The following ERLIN1 variants were observed in gnomAD, a reference collection of about 807,000 sequenced individuals.
ERLIN1 encodes erlin-1.
ERLIN1 carries 24 observed loss-of-function variants against 46.9 expected under a neutral mutation model. The observed-to-expected ratio is 0.51, with a 90% confidence interval of 0.37 to 0.72. ERLIN1 has a LOEUF of 0.72. ERLIN1 is among the 30% of genes least tolerant of loss of function. The pLI is 0.00. For synonymous variants in ERLIN1, 158 were observed against 143.2 expected (o/e 1.10, Z -0.74); for missense variants, 293 against 417.9 (o/e 0.70, Z 2.61).
At chr10:100,174,815 A>G (rs1386430531) in intron 5 of ERLIN1, among the ~76,000 whole-genome samples, 2 of 152,240 alleles carry the variant, frequency 1.3e-5, no homozygotes, top group Non-Finnish European at 2.9e-5. Flanking sequence ...AGAGACAGAG[A>G]GAGAAGCTCA....
intron 8 of ERLIN1, among the ~76,000 whole-genome samples, chr10:100,157,068 G>A (rs1159217735): frequency 6.6e-6 from 1 of 152,098 alleles, no homozygotes; most frequent in Non-Finnish European, 1.5e-5. Flanking sequence ...AAATGAACAA[G>A]TCACAATGGA....
chr10:100,179,251 G>A lies in ERLIN1; in HGVS notation c.196-4C>T, dbSNP rs1421038306. On this transcript the variant is annotated splice_region_variant and splice_polypyrimidine_tract_variant and intron_variant, in intron 2 of 10. Transcript: ENST00000421367. ...CTTCATCAGTTTGTAGTGTTGTCTA[G>A]GGAGGAAAAGATATCTCATCAACAC... The A allele has an allele frequency of 6.3e-7, 1 of 1,588,930 alleles. No individual in the cohort carries two copies. The highest frequency in any genetic ancestry group is 8.6e-7 in the Non-Finnish European group (1 of 1,165,736).
At chr10:100,167,259 G>A (rs1843696405) in intron 7 of ERLIN1, 89 bp downstream of exon 7, 23 of 919,998 alleles carry the variant, frequency 2.5e-5, no homozygotes, top group South Asian at 2.5e-4. Context: ...ACCCCAGAGT[G>A]TATTGTCTCA....
At chr10:100,170,024 A>G (rs1684497343) in intron 6 of ERLIN1, among the ~76,000 whole-genome samples, 1 of 152,146 alleles carries the variant, frequency 6.6e-6, no homozygotes, top group Admixed American at 6.5e-5. Flanking sequence ...TCTCAAAACA[A>G]AACAAAACAA....
chr10:100,170,292 C>A (rs1048906297), intron 6 of ERLIN1, among the ~76,000 whole-genome samples: 1 of 152,050 alleles, frequency 6.6e-6, no homozygotes, highest in Admixed American at 6.5e-5. Context: ...TATAACAAGA[C>A]AAAAGCAACC....
chr10:100,184,262 T>C (rs753497180), intron 1 of ERLIN1, among the ~76,000 whole-genome samples: 1 of 152,058 alleles, frequency 6.6e-6, no homozygotes, highest in Non-Finnish European at 1.5e-5. Flanking sequence ...AACTTTGAAG[T>C]AAAGAGAAAA....
intron 3 of ERLIN1, 145 bp downstream of exon 3, chr10:100,179,056 G>A (rs890327376): frequency 2.4e-5 from 14 of 588,868 alleles, no homozygotes; most frequent in Non-Finnish European, 3.9e-5. Flanking sequence ...TTTGGAGATA[G>A]GCCTTTGCTC....
intron 7 of ERLIN1, among the ~76,000 whole-genome samples, chr10:100,165,857 C>A (rs1432609191): frequency 6.6e-6 from 1 of 152,172 alleles, no homozygotes. Context: ...TCCCCAGTAG[C>A]TGGGATTATA....
chr10:100,175,791 C>T (rs1844260459), intron 5 of ERLIN1, among the ~76,000 whole-genome samples, 154 bp downstream of exon 5: 2 of 152,074 alleles, frequency 1.3e-5, no homozygotes. Context: ...AAATTTTAAA[C>T]TTAAGATAAA....
chr10:100,174,561 G>C (rs1418233986), intron 5 of ERLIN1, among the ~76,000 whole-genome samples: 1 of 152,084 alleles, frequency 6.6e-6, no homozygotes, highest in Non-Finnish European at 1.5e-5. Context: ...CTTTTTTACT[G>C]GGTAACTTAT....
Position 100,185,863 on chromosome 10 carries a change from C to A in ERLIN1, c.-237G>T, listed in dbSNP as rs1442172618. ...CCCCTGCTCGGTGAGCTTCCTGAAACTCCCTCTCCCAAGGGTCGCTCCCGG... is the reference window on the plus strand; with the variant it reads ...CCCCTGCTCGGTGAGCTTCCTGAAAATCCCTCTCCCAAGGGTCGCTCCCGG... On this transcript the variant is annotated 5_prime_UTR_variant, in exon 1 of 11. Coordinates refer to ENST00000421367, the MANE Select transcript of ERLIN1 (RefSeq NM_006459.4). 1 of 563,476 alleles carries A rather than the reference C, an allele frequency of 1.8e-6. No individual in the cohort carries two copies. The highest frequency in any genetic ancestry group is 3.0e-5 in the East Asian group (1 of 33,434). The allele number at this position is 563,476 out of a possible 1,614,324, so 34.9% of individuals were successfully genotyped here. A position where few individuals can be genotyped will look rare whatever the true frequency, so the allele number is the denominator to read the frequency against.
At chr10:100,163,854 T>G in intron 8 of ERLIN1, 150 bp downstream of exon 8, 1 of 604,172 alleles carries the variant, frequency 1.7e-6, no homozygotes, top group South Asian at 2.0e-5. Context: ...TTAAAGGCTT[T>G]AGAACATCTG....
intron 1 of ERLIN1, among the ~76,000 whole-genome samples, 196 bp from the exon 2 acceptor site, chr10:100,184,033 C>A (rs1403434954): frequency 5.9e-5 from 9 of 152,132 alleles, no homozygotes; most frequent in Non-Finnish European, 1.3e-4. Flanking sequence ...ATTAAACTGC[C>A]AATGTTACAC....
Position 100,185,816 on chromosome 10 carries a change from GC to G in ERLIN1, c.-191del. On this transcript the variant is annotated 5_prime_UTR_variant, in exon 1 of 11. Transcript: ENST00000421367. ...CCGCTGACCCCTTGCCAACTCCTCC[GC>G]CCCCGGAGGCCAGTGGGCCGCCCCT... 3.4e-6 allele frequency: 2 copies of G among 587,938 alleles called. No individual in the cohort carries two copies. Among genetic ancestry groups the G allele is most frequent in the South Asian group, 2.0e-5 (1 of 49,262 alleles). The allele number at this position is 587,938 out of a possible 1,614,324, so 36.4% of individuals were successfully genotyped here. A position where few individuals can be genotyped will look rare whatever the true frequency, so the allele number is the denominator to read the frequency against.
chr10:100,158,712 T>C (rs999901602), intron 8 of ERLIN1, among the ~76,000 whole-genome samples: 2 of 152,166 alleles, frequency 1.3e-5, no homozygotes, highest in Admixed American at 6.5e-5. Flanking sequence ...AATGTAAGAC[T>C]GGAGGACAGT....
At chr10:100,157,156 G>A (rs541603472) in intron 8 of ERLIN1, among the ~76,000 whole-genome samples, 1 of 152,340 alleles carries the variant, frequency 6.6e-6, no homozygotes, top group East Asian at 1.9e-4. Flanking sequence ...CCTCTGTCTT[G>A]AGTGACAGGC....
chr10:100,160,412 TG>T (rs1205462183), intron 8 of ERLIN1, among the ~76,000 whole-genome samples: 1 of 152,118 alleles, frequency 6.6e-6, no homozygotes, highest in Non-Finnish European at 1.5e-5. Flanking sequence ...CAACTCATCT[TG>T]GGGATAGTAT....
intron 8 of ERLIN1, among the ~76,000 whole-genome samples, chr10:100,163,680 A>G (rs1843480788): frequency 6.6e-6 from 1 of 152,228 alleles, no homozygotes; most frequent in Non-Finnish European, 1.5e-5. Flanking sequence ...ACTTTGGTCA[A>G]AAAACTTCCC....
At chr10:100,172,875 T>C (rs542433617) in intron 6 of ERLIN1, among the ~76,000 whole-genome samples, 123 of 152,330 alleles carry the variant, frequency 8.1e-4, no homozygotes, top group African/African-American at 2.8e-3. Flanking sequence ...AACAGTTGAA[T>C]GAGCTAGATC....
Sources: gnomAD v4.1 joint callset for allele counts (sites outside exome capture counted in the v4.1 genomes callset) on GRCh38, gnomAD v4.1.1 for gene constraint, MANE v1.5 for transcripts, NCBI Gene and HGNC (gene_info 2026-07-23, HGNC 2026-07-21) for gene names.